CPLANE1: variants seen among roughly 807,000 people sequenced by gnomAD.
CPLANE1 encodes the protein ciliogenesis and planar polarity effector complex subunit 1, also known as ciliogenesis and planar polarity effector 1.
CPLANE1 carries 263 observed loss-of-function variants against 362.5 expected under a neutral mutation model. The ratio of observed to expected loss-of-function variants is 0.73; its 90% confidence interval spans 0.66 to 0.80. The LOEUF (loss-of-function observed/expected upper bound fraction) is 0.80. CPLANE1 is among the 30% of genes least tolerant of loss of function. The pLI is 0.00. For missense variants in CPLANE1, 3,461 were observed against 3,793.4 expected (o/e 0.91, Z 2.30); for synonymous variants, 1,212 against 1,302.6 (o/e 0.93, Z 1.50).
At chr5:37,201,881 T>C in intron 18 of CPLANE1, 73 bp from the exon 19 acceptor site, 2 of 1,049,020 alleles carry the variant, frequency 1.9e-6, no homozygotes, top group South Asian at 1.6e-5. Context: ...TAGGAAAAAA[T>C]TTCAAATCTA....
In CPLANE1 at chr5:37,157,932, CAAAAAAAAAAA is replaced by C. The variant is rs1157107088; in HGVS notation, c.7813-75_7813-65del. 2.5e-4 allele frequency: 17 copies of C among 67,816 alleles called. 1 individual carries two copies. Among genetic ancestry groups the C allele is most frequent in the Admixed American group, 1.2e-3 (5 of 4,290 alleles). 4.2% of individuals were successfully genotyped at this position (67,816 alleles called of 1,614,324 possible). A position where few individuals can be genotyped will look rare whatever the true frequency, so the allele number is the denominator to read the frequency against. Reference sequence around the variant, plus strand: ...TTTTTACTCTATGTGGTCACTCCGCCAAAAAAAAAAAAAAAAAAAAAAAAAAGGCTTAATTC... The same window carrying C: ...TTTTTACTCTATGTGGTCACTCCGCCAAAAAAAAAAAAAAAGGCTTAATTC... On this transcript the variant is annotated intron_variant, in intron 39 of 52. Transcript: ENST00000651892.
intron 51 of CPLANE1, among the ~76,000 whole-genome samples, chr5:37,109,986 C>T (rs1283222083): frequency 6.6e-6 from 1 of 152,124 alleles, no homozygotes; most frequent in Non-Finnish European, 1.5e-5. Flanking sequence ...ATGCCACATC[C>T]AATCCATCAG....
intron 43 of CPLANE1, among the ~76,000 whole-genome samples, chr5:37,146,116 C>T (rs547423834): frequency 4.6e-5 from 7 of 152,168 alleles, no homozygotes; most frequent in African/African-American, 1.7e-4. Flanking sequence ...AGTTAAGAGA[C>T]TTATAAGCCA....
At chr5:37,086,128 A>T in the CPLANE1 span, among the ~76,000 whole-genome samples, 1 of 152,222 alleles carries the variant, frequency 6.6e-6, no homozygotes, top group African/African-American at 2.4e-5. Context: ...CTCCACTGAC[A>T]GCACTAGACA....
chr5:37,153,388 G>C (rs1257365176), intron 42 of CPLANE1, among the ~76,000 whole-genome samples: 1 of 152,120 alleles, frequency 6.6e-6, no homozygotes, highest in Non-Finnish European at 1.5e-5. Flanking sequence ...TTATACATGG[G>C]TTTACTTCTT....
the CPLANE1 span, among the ~76,000 whole-genome samples, chr5:37,093,703 T>G: frequency 6.6e-6 from 1 of 152,208 alleles, no homozygotes; most frequent in Non-Finnish European, 1.5e-5. Context: ...ACAAACCTGT[T>G]GCTGCATACA....
chr5:37,175,708 C>T (rs558850020), intron 31 of CPLANE1, among the ~76,000 whole-genome samples: 2 of 152,250 alleles, frequency 1.3e-5, no homozygotes, highest in African/African-American at 2.4e-5. Flanking sequence ...AAAATACAAT[C>T]GCTAGTGGAA....
chr5:37,142,115 A>G (rs1769926283), intron 44 of CPLANE1, 195 bp downstream of exon 44: 2 of 1,101,424 alleles, frequency 1.8e-6, no homozygotes, highest in Admixed American at 8.8e-5. Context: ...ACATAATTGC[A>G]GTATGTCTTA....
chr5:37,139,339 C>T lies in CPLANE1; in HGVS notation c.8663+1G>A. The T allele has an allele frequency of 7.7e-7, 1 of 1,302,270 alleles. No homozygotes were observed. The highest frequency in any genetic ancestry group is 1.5e-5 in the African/African-American group (1 of 64,874). The allele number at this position is 1,302,270 out of a possible 1,614,324, so 80.7% of individuals were successfully genotyped here. On this transcript the variant is annotated splice_donor_variant, in intron 45 of 52. Transcript: ENST00000651892. LOFTEE classifies it high-confidence loss of function. ...TGTGAATTAACTCTTAAGATATTTACCTCTCACACAATTCATCACTGCTAT... is the reference window on the plus strand; with the variant it reads ...TGTGAATTAACTCTTAAGATATTTATCTCTCACACAATTCATCACTGCTAT...
At chr5:37,222,311 G>A (rs1795526998) in intron 14 of CPLANE1, among the ~76,000 whole-genome samples, 1 of 152,172 alleles carries the variant, frequency 6.6e-6, no homozygotes, top group Non-Finnish European at 1.5e-5. Context: ...AACCTTTCTA[G>A]CTCTTCCAAC....
chr5:37,125,063 C>T lies in CPLANE1; in HGVS notation c.8958+181G>A, dbSNP rs186485545. The T allele has an allele frequency of 3.7e-6, 5 of 1,364,516 alleles. No homozygotes were observed. The East Asian group carries it at 1.3e-4, about 36-fold the overall frequency. 84.5% of individuals were successfully genotyped at this position (1,364,516 alleles called of 1,614,324 possible). A position where few individuals can be genotyped will look rare whatever the true frequency, so the allele number is the denominator to read the frequency against. On this transcript the variant is annotated intron_variant, in intron 47 of 52. Coordinates refer to ENST00000651892, the MANE Select transcript of CPLANE1 (RefSeq NM_001384732.1). ...ATAATTCAGTATAACTTGGTTAGCACAATATGCTGCAACATTTTAAGATAA... is the reference window on the plus strand; with the variant it reads ...ATAATTCAGTATAACTTGGTTAGCATAATATGCTGCAACATTTTAAGATAA...
the CPLANE1 span, among the ~76,000 whole-genome samples, chr5:37,087,545 C>A: frequency 6.6e-6 from 1 of 152,238 alleles, no homozygotes; most frequent in Admixed American, 6.5e-5. Context: ...CAAGCTCCGC[C>A]TCCTGGGTTC....
At chr5:37,140,499 C>T in intron 44 of CPLANE1, 3 of 983,912 alleles carry the variant, frequency 3.0e-6, no homozygotes, top group Non-Finnish European at 3.6e-6. Flanking sequence ...AATAGTTCTA[C>T]CCCTTATAGC....
intron 5 of CPLANE1, among the ~76,000 whole-genome samples, chr5:37,243,816 C>T (rs567685025): frequency 2.2e-4 from 32 of 143,858 alleles, no homozygotes; most frequent in African/African-American, 1.3e-4. Context: ...ATAATATATA[C>T]GATATATATT....
At chr5:37,081,618 C>T in the CPLANE1 span, among the ~76,000 whole-genome samples, 4 of 151,992 alleles carry the variant, frequency 2.6e-5, no homozygotes, top group South Asian at 4.2e-4. Context: ...CCACTGTGTC[C>T]GGCCTGAAAA....
intron 45 of CPLANE1, 133 bp downstream of exon 45, chr5:37,139,207 C>A: frequency 2.4e-6 from 2 of 836,182 alleles, no homozygotes; most frequent in Middle Eastern, 2.9e-4. Flanking sequence ...ATATTCCATA[C>A]CCAATGAAAA....
rs1762650464 is a variant in CPLANE1, at chr5:37,121,615, A to G, written c.9185+2T>C. 6.2e-7 allele frequency: 1 copy of G among 1,613,714 alleles called. No individual in the cohort carries two copies. Among genetic ancestry groups the G allele is most frequent in the African/African-American group, 1.3e-5 (1 of 74,890 alleles). The stretch of plus-strand genomic sequence containing the variant: ...CAAATGGCATGTGAAACCTTGTCTT[A>G]CCCTCTTGGAGAAGGGCAGTGTTGA... On this transcript the variant is annotated splice_donor_variant, in intron 49 of 52. Coordinates refer to ENST00000651892, the MANE Select transcript of CPLANE1 (RefSeq NM_001384732.1). LOFTEE classifies it high-confidence loss of function.
intron 1 of CPLANE1, 36 bp from the exon 2 acceptor site, chr5:37,247,781 CATAATATTCACTGGGCATTTTTTTTT>C (rs1740237347): frequency 7.3e-7 from 1 of 1,369,680 alleles, no homozygotes; most frequent in South Asian, 1.5e-5. Flanking sequence ...ATAAATGATG[CATAATATTCACTGGGCATTTTTTTTT>C]TTTTTTTGAG....
At chr5:37,147,973 A>AG in intron 43 of CPLANE1, among the ~76,000 whole-genome samples, 1 of 129,518 alleles carries the variant, frequency 7.7e-6, no homozygotes, top group Admixed American at 7.2e-5. Flanking sequence ...TGCCTTCTCA[A>AG]AAAAAAAAAA....
Sources: gnomAD v4.1 joint callset for allele counts (sites outside exome capture counted in the v4.1 genomes callset) on GRCh38, gnomAD v4.1.1 for gene constraint, MANE v1.5 for transcripts, NCBI Gene and HGNC (gene_info 2026-07-23, HGNC 2026-07-21) for gene names.